WASF2: variants seen among roughly 807,000 people sequenced by gnomAD.
WASF2 encodes the protein WASP family member 2, also known as actin-binding protein WASF2.
In WASF2, 14 loss-of-function variants were observed where a neutral mutation model predicts 45.0. The observed-to-expected ratio is 0.31, with a 90% confidence interval of 0.21 to 0.49. The LOEUF is 0.49. Among genes scored for constraint, WASF2 ranks in the 20% least tolerant of loss-of-function variants. The pLI, the probability that WASF2 is intolerant of heterozygous loss-of-function variation, is 0.99. For synonymous variants in WASF2, 200 were observed against 236.3 expected, an observed-to-expected ratio of 0.85 and a Z score of 1.41; for missense variants, 439 against 636.1, an observed-to-expected ratio of 0.69 and a Z score of 3.33.
intron 1 of WASF2, among the ~76,000 whole-genome samples, chr1:27,432,671 AG>A (rs2017082781): frequency 4.0e-5 from 6 of 150,540 alleles, no homozygotes; most frequent in African/African-American, 1.5e-4. Context: ...AAAAAAAAAA[AG>A]AGGCAGTTAT....
chr1:27,449,027 C>A (rs1191099980), intron 1 of WASF2, among the ~76,000 whole-genome samples: 1 of 152,088 alleles, frequency 6.6e-6, no homozygotes, highest in Non-Finnish European at 1.5e-5. Flanking sequence ...CCCACCACAA[C>A]CCCCACCAGC....
chr1:27,445,054 G>A (rs1434842971), intron 1 of WASF2, among the ~76,000 whole-genome samples: 3 of 152,040 alleles, frequency 2.0e-5, no homozygotes, highest in Non-Finnish European at 2.9e-5. Context: ...TTGAGTACAG[G>A]AATTGAAAAA....
intron 3 of WASF2, 81 bp downstream of exon 3, chr1:27,418,873 T>C (rs1158724910): frequency 6.6e-7 from 1 of 1,506,724 alleles, no homozygotes; most frequent in African/African-American, 1.4e-5. Flanking sequence ...TCACGTTTTT[T>C]TTTTTTTAAA....
chr1:27,463,037 C>T (rs2017567734), intron 1 of WASF2, among the ~76,000 whole-genome samples: 1 of 152,088 alleles, frequency 6.6e-6, no homozygotes, highest in African/African-American at 2.4e-5. Flanking sequence ...CCAGGCTGGT[C>T]TTGAACTCCT....
At chr1:27,454,043 A>G (rs1387409686) in intron 1 of WASF2, among the ~76,000 whole-genome samples, 2 of 150,872 alleles carry the variant, frequency 1.3e-5, no homozygotes, top group Non-Finnish European at 2.9e-5. Flanking sequence ...TTCTATCTCT[A>G]AATGTTATAT....
chr1:27,478,856 T>C (rs1481091695), intron 1 of WASF2, among the ~76,000 whole-genome samples: 1 of 152,006 alleles, frequency 6.6e-6, no homozygotes, highest in Non-Finnish European at 1.5e-5. Context: ...AGTGCTGGGA[T>C]TACAGGCGTG....
At chr1:27,477,505 A>C (rs1334255699) in intron 1 of WASF2, among the ~76,000 whole-genome samples, 1 of 152,230 alleles carries the variant, frequency 6.6e-6, no homozygotes, top group Non-Finnish European at 1.5e-5. Context: ...ATGCCACTGC[A>C]CTCCAGCCTG....
At chr1:27,449,490 T>C (rs770368597) in intron 1 of WASF2, among the ~76,000 whole-genome samples, 1 of 151,648 alleles carries the variant, frequency 6.6e-6, no homozygotes, top group East Asian at 2.0e-4. Context: ...TTCCAGCTAT[T>C]TGGGAGGTTG....
At chr1:27,443,796 A>G (rs185867412) in intron 1 of WASF2, among the ~76,000 whole-genome samples, 1 of 151,842 alleles carries the variant, frequency 6.6e-6, no homozygotes, top group East Asian at 1.9e-4. Context: ...TTATTTATTT[A>G]GAGACAGAGT....
chr1:27,482,954 G>A lies in WASF2; in HGVS notation c.-44+7032C>T, dbSNP rs142549000. Among the ~76,000 whole-genome samples the A allele has an allele frequency of 5.8e-3, 877 of 152,302 alleles. 5 individuals carry two copies. The highest frequency in any genetic ancestry group is 9.7e-3 in the Non-Finnish European group (657 of 68,038). ...TTATCACAACTGGGGCAGAGGGGGTGCTATTGGCAACCAGGGATGCTGCTT... is the reference window on the plus strand; with the variant it reads ...TTATCACAACTGGGGCAGAGGGGGTACTATTGGCAACCAGGGATGCTGCTT... On this transcript the variant is annotated intron_variant, in intron 1 of 8. Coordinates refer to ENST00000618852, the MANE Select transcript of WASF2 (RefSeq NM_006990.5).
chr1:27,482,292 T>C (rs2017862423), intron 1 of WASF2, among the ~76,000 whole-genome samples: 1 of 152,230 alleles, frequency 6.6e-6, no homozygotes, highest in Non-Finnish European at 1.5e-5. Context: ...TAAGGACCAC[T>C]GCCTTGACCA....
At chr1:27,412,431 CT>C in intron 7 of WASF2, 140 bp downstream of exon 7, 2 of 1,136,736 alleles carry the variant, frequency 1.8e-6, no homozygotes, top group Non-Finnish European at 1.3e-6. Flanking sequence ...TGGTCTTGAA[CT>C]TTTGGCCTCA....
intron 1 of WASF2, among the ~76,000 whole-genome samples, chr1:27,441,645 T>TA (rs1234112082): frequency 6.6e-6 from 1 of 150,732 alleles, no homozygotes; most frequent in East Asian, 2.0e-4. Flanking sequence ...TCCCAGCTAC[T>TA]CCGGAGGCTG....
At chr1:27,477,636 A>T (rs2017783685) in intron 1 of WASF2, among the ~76,000 whole-genome samples, 1 of 143,708 alleles carries the variant, frequency 7.0e-6, no homozygotes, top group African/African-American at 2.8e-5. Flanking sequence ...GCGGTGGCTC[A>T]CGCCTGTAAT....
intron 7 of WASF2, among the ~76,000 whole-genome samples, chr1:27,411,399 T>TC (rs921257061): frequency 1.4e-4 from 21 of 152,312 alleles, no homozygotes; most frequent in African/African-American, 5.1e-4. Context: ...TGGAGTTTCA[T>TC]CCCCCTTTTC....
chr1:27,480,753 G>A (rs1213088379), intron 1 of WASF2, among the ~76,000 whole-genome samples: 4 of 152,098 alleles, frequency 2.6e-5, no homozygotes, highest in Non-Finnish European at 5.9e-5. Context: ...GGTGGCTCAC[G>A]CCTGTAATCC....
chr1:27,442,973 A>G (rs2017258806), intron 1 of WASF2, among the ~76,000 whole-genome samples: 1 of 140,074 alleles, frequency 7.1e-6, no homozygotes. Context: ...CCTAGGAAAC[A>G]GAGCGAGACT....
At chr1:27,430,350 A>AT (rs1160983496) in intron 1 of WASF2, among the ~76,000 whole-genome samples, 3 of 151,794 alleles carry the variant, frequency 2.0e-5, no homozygotes, top group Admixed American at 2.0e-4. Flanking sequence ...TAAGTCCTCA[A>AT]TTTTTTTTCT....
chr1:27,476,333 A>C (rs1287322402), intron 1 of WASF2, among the ~76,000 whole-genome samples: 1 of 152,146 alleles, frequency 6.6e-6, no homozygotes. Context: ...GCTCCTGGGG[A>C]GGCTTCAGGA....
Sources: gnomAD v4.1 joint callset for allele counts (sites outside exome capture counted in the v4.1 genomes callset) on GRCh38, gnomAD v4.1.1 for gene constraint, MANE v1.5 for transcripts, NCBI Gene and HGNC (gene_info 2026-07-23, HGNC 2026-07-21) for gene names.